PARP8: variants seen among roughly 807,000 people sequenced by gnomAD.
The protein encoded by PARP8 is poly(ADP-ribose) polymerase family member 8, also known as protein mono-ADP-ribosyltransferase PARP8.
In PARP8, 51 loss-of-function variants were observed where a neutral mutation model predicts 124.1. The ratio of observed to expected loss-of-function variants is 0.41; its 90% CI spans 0.33 to 0.52. PARP8 has a LOEUF of 0.52. PARP8 is among the 20% of genes least tolerant of loss of function. The probability of loss-of-function intolerance (pLI) is 0.21; values close to 1 mark genes in which losing one functional copy is unlikely to be tolerated. For missense variants in PARP8, 860 were observed against 1,018.9 expected (o/e 0.84, Z 2.12); for synonymous variants, 391 against 361.5 (o/e 1.08, Z -0.93).
At chr5:50,786,317 G>A (rs771622368) in intron 9 of PARP8, among the ~76,000 whole-genome samples, 2 of 151,208 alleles carry the variant, frequency 1.3e-5, no homozygotes, top group Non-Finnish European at 2.9e-5. Flanking sequence ...TCTTAATTAA[G>A]TTAGCAGTAT....
In PARP8 at chr5:50,666,769, T is replaced by G; in HGVS notation, c.-327T>G. On this transcript the variant is annotated 5_prime_UTR_variant, in exon 1 of 26. Coordinates refer to ENST00000281631, the MANE Select transcript of PARP8 (RefSeq NM_024615.4). ...CCCGGCACCTCGGCCCCCACGGCCG[T>G]TGGTCCGGGCGGGTGAGGGAGAAAG... 5 of 807,400 alleles carry G rather than the reference T, an allele frequency of 6.2e-6. No individual in the cohort carries two copies. The highest frequency in any genetic ancestry group is 5.5e-5 in the South Asian group (2 of 36,488). The allele number at this position is 807,400 out of a possible 1,614,324, so 50.0% of individuals were successfully genotyped here. A position where few individuals can be genotyped will look rare whatever the true frequency, so the allele number is the denominator to read the frequency against.
chr5:50,707,946 C>T (rs1044736912), intron 2 of PARP8, among the ~76,000 whole-genome samples: 26 of 152,226 alleles, frequency 1.7e-4, no homozygotes, highest in African/African-American at 6.0e-4. Context: ...CACGATCTCG[C>T]ACCATAGCCA....
chr5:50,667,901 G>A, intron 1 of PARP8, 170 bp from the exon 2 acceptor site: 1 of 1,496,552 alleles, frequency 6.7e-7, no homozygotes, highest in Non-Finnish European at 8.9e-7. Flanking sequence ...CCAGTCGGGG[G>A]CGCGCCGCAT....
At chr5:50,812,048 T>A (rs1272718964) in intron 14 of PARP8, among the ~76,000 whole-genome samples, 3 of 152,214 alleles carry the variant, frequency 2.0e-5, no homozygotes, top group Non-Finnish European at 4.4e-5. Context: ...GCAATAAACA[T>A]ACATGTGCAT....
At chr5:50,747,163 G>GTTTTTTTTTTTTTTTTTTTTTTTCT (rs1211253892) in intron 2 of PARP8, among the ~76,000 whole-genome samples, 1 of 95,504 alleles carries the variant, frequency 1.0e-5, no homozygotes, top group Non-Finnish European at 2.0e-5. Context: ...TGTTTGTTTT[G>GTTTTTTTTTTTTTTTTTTTTTTTCT]TTTTTTTTTT....
chr5:50,833,177 G>C (rs1330162702), intron 23 of PARP8, among the ~76,000 whole-genome samples: 1 of 152,064 alleles, frequency 6.6e-6, no homozygotes, highest in African/African-American at 2.4e-5. Context: ...TACATATTTA[G>C]ATAGATAGAA....
chr5:50,691,692 C>G (rs1307084450), intron 2 of PARP8, among the ~76,000 whole-genome samples: 1 of 152,104 alleles, frequency 6.6e-6, no homozygotes, highest in Non-Finnish European at 1.5e-5. Flanking sequence ...CAGCTCAGAT[C>G]TATGTTCTGT....
At chr5:50,815,408 G>A in intron 14 of PARP8, 24 bp from the exon 15 acceptor site, 1 of 1,526,294 alleles carries the variant, frequency 6.6e-7, no homozygotes, top group Non-Finnish European at 8.8e-7. Flanking sequence ...AAAGTTTTGT[G>A]ATTGATTCCT....
chr5:50,799,465 T>C (rs747731492), intron 14 of PARP8, among the ~76,000 whole-genome samples: 5 of 152,232 alleles, frequency 3.3e-5, no homozygotes, highest in Non-Finnish European at 5.9e-5. Context: ...TCTTGATTAA[T>C]GTTGCTTTAT....
chr5:50,788,197 G>GTTATATATATAATAA (rs1741499431), intron 9 of PARP8, among the ~76,000 whole-genome samples: 2 of 143,912 alleles, frequency 1.4e-5, no homozygotes, highest in South Asian at 4.3e-4. Flanking sequence ...ATATATTAAT[G>GTTATATATATAATAA]TATAATATAT....
chr5:50,794,284 C>A lies in PARP8; in HGVS notation c.815C>A (p.Ser272Ter). ...AATTGCCTGCACAATAAAAAGTTGT[C>A]AGAGAAGAAAGTGAAGTCTCCCCTG... is the stretch of plus-strand genomic sequence containing the variant. Reference protein sequence around the residue: ...KSNCLHNKKLSEKKVKSPLHL... With the variant: ...KSNCLHNKKL The change falls in exon 11 of 26, where the codon TCA becomes TAA. Residue 272 changes from serine to a stop codon, truncating the protein, a stop_gained. Transcript: ENST00000281631. LOFTEE classifies it high-confidence loss of function. 1 of 1,613,542 alleles carries A rather than the reference C, an allele frequency of 6.2e-7. No individual in the cohort carries two copies. Among genetic ancestry groups the A allele is most frequent in the South Asian group, 1.1e-5 (1 of 91,014 alleles).
At chr5:50,825,548 T>G (rs1746248135) in intron 18 of PARP8, among the ~76,000 whole-genome samples, 2 of 152,174 alleles carry the variant, frequency 1.3e-5, no homozygotes, top group Non-Finnish European at 2.9e-5. Context: ...AGGAGAGAAG[T>G]CACCTTGCTG....
intron 12 of PARP8, 27 bp from the exon 13 acceptor site, chr5:50,796,955 C>A (rs200309081): frequency 1.9e-6 from 3 of 1,575,150 alleles, no homozygotes; most frequent in East Asian, 2.3e-5. Flanking sequence ...AAAAAATTAT[C>A]ATTTTTTTTT....
chr5:50,774,519 ACGGGGT>A (rs1171247184), intron 7 of PARP8, among the ~76,000 whole-genome samples: 1 of 137,482 alleles, frequency 7.3e-6, no homozygotes, highest in Non-Finnish European at 1.6e-5. Context: ...CACTTCCCAG[ACGGGGT>A]GGCCGGGCAG....
At chr5:50,741,879 A>C (rs1758080072) in intron 2 of PARP8, 1 of 436,542 alleles carries the variant, frequency 2.3e-6, no homozygotes, top group African/African-American at 2.1e-5. Flanking sequence ...GCGCGATCTC[A>C]GCTCACTGCA....
intron 2 of PARP8, among the ~76,000 whole-genome samples, chr5:50,737,101 C>T (rs1757545984): frequency 1.3e-5 from 2 of 152,004 alleles, no homozygotes; most frequent in Admixed American, 1.3e-4. Flanking sequence ...GTTGAGGCTC[C>T]CAAAATTTAC....
chr5:50,750,559 A>AGT (rs796583591), intron 3 of PARP8, among the ~76,000 whole-genome samples: 3 of 151,976 alleles, frequency 2.0e-5, no homozygotes, highest in Admixed American at 1.3e-4. Context: ...CAGTTTTCTA[A>AGT]GTGTGTGTGT....
chr5:50,735,028 A>G (rs1020561574), intron 2 of PARP8, among the ~76,000 whole-genome samples: 1 of 152,146 alleles, frequency 6.6e-6, no homozygotes, highest in African/African-American at 2.4e-5. Flanking sequence ...ATAGAAATTC[A>G]TCATGCGCAA....
intron 7 of PARP8, among the ~76,000 whole-genome samples, chr5:50,769,680 A>G (rs890141031): frequency 4.0e-5 from 6 of 151,352 alleles, no homozygotes; most frequent in African/African-American, 7.3e-5. Context: ...GCATTATATT[A>G]TATAAAATAT....
Sources: gnomAD v4.1 joint callset for allele counts (sites outside exome capture counted in the v4.1 genomes callset) on GRCh38, gnomAD v4.1.1 for gene constraint, MANE v1.5 for transcripts, NCBI Gene and HGNC (gene_info 2026-07-23, HGNC 2026-07-21) for gene names.